Variants in COL7A1 observed in about 807,000 individuals in gnomAD.
The protein encoded by COL7A1 is collagen type VII alpha 1 chain.
Under a neutral mutation model 456.2 loss-of-function variants are expected in COL7A1, and 296 were observed. The ratio of observed to expected loss-of-function variants is 0.65; its 90% CI spans 0.59 to 0.71. COL7A1 has a LOEUF of 0.71. Ranked by LOEUF, COL7A1 falls within the 30% of genes least tolerant of loss-of-function variation. The pLI, the probability that COL7A1 is intolerant of heterozygous loss-of-function variation, is 0.00. For synonymous variants in COL7A1, 1,464 were observed against 1,525.9 expected, an observed-to-expected ratio of 0.96 and a Z score of 0.95; for missense variants, 3,441 against 4,017.2, an observed-to-expected ratio of 0.86 and a Z score of 3.88.
rs1052114853 is a variant in COL7A1 at position 48,571,075 on chromosome 3, C to T, written c.7164+26G>A. Reference sequence around the variant, plus strand: ...GTGGGGGCCCGGCCTGCTGCCCCTACAACTGGTGATGGGGCATTGACTTAC... The same window carrying T: ...GTGGGGGCCCGGCCTGCTGCCCCTATAACTGGTGATGGGGCATTGACTTAC... On this transcript the variant is annotated intron_variant, in intron 94 of 118. Coordinates refer to ENST00000681320, the MANE Select transcript of COL7A1 (RefSeq NM_000094.4). The surrounding 1 kb of genome is among the most constrained non-coding windows in gnomAD (Gnocchi z 4.6). The T allele has an allele frequency of 8.1e-6, 13 of 1,613,620 alleles. No homozygotes were observed. In the Admixed American group the frequency reaches 2.0e-4, roughly 25 times the overall value.
chr3:48,575,694 G>A lies in COL7A1; in HGVS notation c.5911C>T (p.Leu1971=), dbSNP rs1427913494. The change falls in exon 73 of 119, where the codon CTG becomes TTG. Residue 1971 remains leucine, a synonymous_variant. Transcript: ENST00000681320. This position sits in a 1 kb window ranked among gnomAD's most constrained non-coding sequence, Gnocchi z 6.3. ...ETWDESSGSF[L]PVPERRRGPK... ...CCTCGACGCCGTTCGGGCACAGGCA[G>A]GAAGCTACCAGAGCTCTCATCCCAG... The A allele has an allele frequency of 3.1e-6, 5 of 1,613,618 alleles. No individual in the cohort carries two copies. The highest frequency in any genetic ancestry group is 3.3e-4 in the Middle Eastern group (2 of 6,084).
chr3:48,582,630 A>T lies in COL7A1; in HGVS notation c.4542T>A (p.Arg1514=). 1 of 1,613,480 alleles carries T rather than the reference A, an allele frequency of 6.2e-7. No individual in the cohort carries two copies. Among genetic ancestry groups the T allele is most frequent in the East Asian group, 2.2e-5 (1 of 44,866 alleles). Reference sequence around the variant, plus strand: ...TCACTTCAGGACCCTTGGCTCCAGGACGTCCAGCAACCCCTGGCAGCCCCT... The same window carrying T: ...TCACTTCAGGACCCTTGGCTCCAGGTCGTCCAGCAACCCCTGGCAGCCCCT... ...GSRGLPGVAG[R]PGAKGPEGPP... The change falls in exon 45 of 119, where the codon CGT becomes CGA. Residue 1514 remains arginine (R), a synonymous_variant. Transcript: ENST00000681320.
rs756157619 is a variant in COL7A1, at chr3:48,572,661, C to G, written c.6900+10G>C. 3 of 1,597,804 alleles carry G rather than the reference C, an allele frequency of 1.9e-6. No individual in the cohort carries two copies. In the Admixed American group the frequency reaches 5.2e-5, roughly 27 times the overall value. On this transcript the variant is annotated intron_variant, in intron 88 of 118. Coordinates refer to ENST00000681320, the MANE Select transcript of COL7A1 (RefSeq NM_000094.4). This position sits in a 1 kb window ranked among gnomAD's most constrained non-coding sequence, Gnocchi z 4.6. ...TGCTGCAGGGGGTGGAAGTCAGGGT[C>G]AAAGATCACCTGTCCAGGGGCCCCC...
Position 48,573,500 on chromosome 3 carries a change from C to T in COL7A1, c.6618+13G>A, listed in dbSNP as rs1240863448. The T allele has an allele frequency of 1.9e-6, 3 of 1,614,000 alleles. No individual in the cohort carries two copies. The highest frequency in any genetic ancestry group is 2.2e-5 in the East Asian group (1 of 44,900). On this transcript the variant is annotated intron_variant, in intron 83 of 118. Transcript: ENST00000681320. This position sits in a 1 kb window ranked among gnomAD's most constrained non-coding sequence, Gnocchi z 5.5. ...AAGGAGCCTCCTCCTCCTATCCACA[C>T]ACCTAGACTCACCTTCAGGCCAGAA...
intron 44 of COL7A1, 129 bp downstream of exon 44, chr3:48,582,884 A>G: frequency 7.1e-7 from 1 of 1,412,536 alleles, no homozygotes; most frequent in Non-Finnish European, 1.0e-6. Context: ...TAGAGCCTGT[A>G]TCAGCAGGGA....
At position 48,578,727 on chromosome 3, in the gene COL7A1, T is replaced by C. The variant is rs1001475262; in HGVS notation, c.5424+192A>G. ...GAACCCCCAGGACTTGGAGGGCCTA[T>C]GAAGACCCCCAAGGCAAAGAAGGTC... is the stretch of plus-strand genomic sequence containing the variant. On this transcript the variant is annotated intron_variant, in intron 63 of 118. Transcript: ENST00000681320. This position sits in a 1 kb window ranked among gnomAD's most constrained non-coding sequence, Gnocchi z 4.7. Among the ~76,000 whole-genome samples, 1 of 152,158 alleles carries C rather than the reference T, an allele frequency of 6.6e-6. No individual in the cohort carries two copies. The highest frequency in any genetic ancestry group is 1.9e-4 in the East Asian group (1 of 5,176).
At position 48,583,304 on chromosome 3, in the gene COL7A1, T is replaced by G. The variant is rs1216047190; in HGVS notation, c.4437+89A>C. 1.9e-5 allele frequency: 31 copies of G among 1,608,096 alleles called. No individual in the cohort carries two copies. Among genetic ancestry groups the G allele is most frequent in the Non-Finnish European group, 2.5e-5 (29 of 1,175,362 alleles). ...CCACGACCTCTGACCTGGAGGGAACTCTTATCTCCTTATCTTCCAGCCTCC... is the reference window on the plus strand; with the variant it reads ...CCACGACCTCTGACCTGGAGGGAACGCTTATCTCCTTATCTTCCAGCCTCC... On this transcript the variant is annotated intron_variant, in intron 42 of 118. Coordinates refer to ENST00000681320, the MANE Select transcript of COL7A1 (RefSeq NM_000094.4). This position sits in a 1 kb window ranked among gnomAD's most constrained non-coding sequence, Gnocchi z 5.1.
Position 48,565,181 on chromosome 3 carries a change from C to T in COL7A1, c.8548G>A (p.Asp2850Asn). The T allele has an allele frequency of 6.2e-7, 1 of 1,613,924 alleles. No homozygotes were observed. Among genetic ancestry groups the T allele is most frequent in the Non-Finnish European group, 8.5e-7 (1 of 1,179,916 alleles). Reference protein sequence around the residue: ...EEEERVPPEDDEYSEYSEYSV... With the variant: ...EEEERVPPEDNEYSEYSEYSV... ...TACTCGGAGTATTCAGAGTACTCAT[C>T]ATCCTCAGGGGGTACCCGCTCTGCA... Residue 2850 changes from aspartate to asparagine, a missense_variant, in exon 117 of 119, where the codon GAT (aspartate) becomes AAT (asparagine). By Grantham distance (23) the Asp-to-Asn change is conservative. Coordinates refer to ENST00000681320, the MANE Select transcript of COL7A1 (RefSeq NM_000094.4). This position sits in a 1 kb window ranked among gnomAD's most constrained non-coding sequence, Gnocchi z 4.5.
chr3:48,584,278 G>T lies in COL7A1; in HGVS notation c.4197+20C>A. The T allele has an allele frequency of 6.3e-7, 1 of 1,595,476 alleles. No homozygotes were observed. Among genetic ancestry groups the T allele is most frequent in the South Asian group, 1.1e-5 (1 of 89,234 alleles). On this transcript the variant is annotated intron_variant, in intron 37 of 118. Transcript: ENST00000681320. The stretch of plus-strand genomic sequence containing the variant: ...GGGTCACCAGGTCTCTGCATCACAT[G>T]GCACTCATGAGGCTGTCACCTTCAT...
At position 48,576,974 on chromosome 3, in the gene COL7A1, C is replaced by G. The variant is rs1243962812; in HGVS notation, c.5568+18G>C. 14 of 1,613,852 alleles carry G rather than the reference C, an allele frequency of 8.7e-6. No individual in the cohort carries two copies. Among genetic ancestry groups the G allele is most frequent in the Non-Finnish European group, 1.2e-5 (14 of 1,180,018 alleles). The stretch of plus-strand genomic sequence containing the variant: ...GCTCCAAGCAGAGACCAGAGAGACC[C>G]CAGGTGGGGGACTTTACCTTCCTCC... On this transcript the variant is annotated intron_variant, in intron 66 of 118. Coordinates refer to ENST00000681320, the MANE Select transcript of COL7A1 (RefSeq NM_000094.4).
rs776881019 is a variant in COL7A1, at chr3:48,582,669, G to A, written c.4519-16C>T. 1.2e-6 allele frequency: 2 copies of A among 1,613,114 alleles called. No individual in the cohort carries two copies. Among genetic ancestry groups the A allele is most frequent in the East Asian group, 2.2e-5 (1 of 44,878 alleles). ...CTGGCAGCCCCTGGAGGAGAGGAAG[G>A]GAAGAGCTGTGCAGGTGGGTGGGGA... On this transcript the variant is annotated splice_polypyrimidine_tract_variant and intron_variant, in intron 44 of 118. Transcript: ENST00000681320.
At chr3:48,584,145 A>T (rs539761644) in intron 37 of COL7A1, 84 bp from the exon 38 acceptor site, 1 of 1,609,456 alleles carries the variant, frequency 6.2e-7, no homozygotes, top group Non-Finnish European at 8.5e-7. Context: ...ATGGGGTCCA[A>T]TTGGATTTCA....
rs748895203 is a variant in COL7A1, at chr3:48,583,526, A to G, written c.4401+30T>C. ...GGTAGGGGCTGGAGCTGTGCCCACC[A>G]TATTCAGAATCCCTGGCCCCTCCAC... On this transcript the variant is annotated intron_variant, in intron 41 of 118. Coordinates refer to ENST00000681320, the MANE Select transcript of COL7A1 (RefSeq NM_000094.4). This position sits in a 1 kb window ranked among gnomAD's most constrained non-coding sequence, Gnocchi z 5.1. 1.2e-5 allele frequency: 19 copies of G among 1,613,840 alleles called. No individual in the cohort carries two copies. The South Asian group carries it at 2.0e-4, about 17-fold the overall frequency.
Position 48,584,359 on chromosome 3 carries a change from C to A in COL7A1, c.4136G>T (p.Arg1379Leu). ...DPGPSGPPGP[R>L]GPLGDPGPRG... The stretch of plus-strand genomic sequence containing the variant: ...GGGTCCTGGGTCCCCCAGTGGTCCA[C>A]GAGGTCCAGGGGGGCCCTGATGGAG... The change falls in exon 37 of 119, where the codon CGT becomes CTT. Residue 1379 changes from arginine to leucine, a missense_variant. By Grantham distance (102) the Arg-to-Leu change is moderately radical. Around this residue, in one of 3 missense-constraint regions of COL7A1, gnomAD observed 2,084 missense variants for 2,501.3 expected, o/e 0.83. Coordinates refer to ENST00000681320, the MANE Select transcript of COL7A1 (RefSeq NM_000094.4). The A allele has an allele frequency of 6.2e-7, 1 of 1,613,566 alleles. No homozygotes were observed.
rs1358749721 is a variant in COL7A1 at position 48,578,243 on chromosome 3, GT to G, written c.5532+77del. 6.5e-7 allele frequency: 1 copy of G among 1,544,688 alleles called. No homozygotes were observed. The highest frequency in any genetic ancestry group is 8.9e-7 in the Non-Finnish European group (1 of 1,122,168). ...ATGTGTCTACACGTGTGCCTCATGT[GT>G]TGCTACAGATCTTGGCTGTGTAGGT... On this transcript the variant is annotated intron_variant, in intron 65 of 118. Transcript: ENST00000681320. The surrounding 1 kb of genome is among the most constrained non-coding windows in gnomAD (Gnocchi z 4.7).
rs1351260571 is a variant in COL7A1 at position 48,586,652 on chromosome 3, A to T, written c.3314T>A (p.Leu1105Gln). ...GTCATGGGAGCCATTCAGTGGGAACAGTGGGGAGGGCCGATGACTGTAAGA... is the reference window on the plus strand; with the variant it reads ...GTCATGGGAGCCATTCAGTGGGAACTGTGGGGAGGGCCGATGACTGTAAGA... ...LLSYSHRPSP[L>Q]FPLNGSHDLG... Residue 1105 changes from leucine (L) to glutamine (Q), a missense_variant, in exon 26 of 119, where the codon CTG (leucine) becomes CAG (glutamine). Transcript: ENST00000681320. This position sits in a 1 kb window ranked among gnomAD's most constrained non-coding sequence, Gnocchi z 5.1. 3 of 1,612,190 alleles carry T rather than the reference A, an allele frequency of 1.9e-6. No homozygotes were observed. Among genetic ancestry groups the T allele is most frequent in the African/African-American group, 2.7e-5 (2 of 74,898 alleles).
chr3:48,595,095 C>A lies in COL7A1; in HGVS notation c.65G>T (p.Arg22Leu). 1 of 1,552,508 alleles carries A rather than the reference C, an allele frequency of 6.4e-7. No individual in the cohort carries two copies. The highest frequency in any genetic ancestry group is 8.7e-7 in the Non-Finnish European group (1 of 1,148,204). Reference sequence around the variant, plus strand: ...CCCACCTCTCTCCCTGTGCTGGGCTCGCACTCGGGGCGCCTCTGCCAGGAT... The same window carrying A: ...CCCACCTCTCTCCCTGTGCTGGGCTAGCACTCGGGGCGCCTCTGCCAGGAT... ...AGILAEAPRV[R>L]AQHRERVTCT... The change falls in exon 2 of 119, where the codon CGA becomes CTA. Residue 22 changes from arginine (R) to leucine (L), a missense_variant. Arg to Leu is a moderately radical substitution (Grantham distance 102). Transcript: ENST00000681320.
In COL7A1 at chr3:48,581,958, G is replaced by T. The variant is rs763883535; in HGVS notation, c.4636-15C>A. The T allele has an allele frequency of 2.5e-6, 4 of 1,613,956 alleles. No homozygotes were observed. Among genetic ancestry groups the T allele is most frequent in the Non-Finnish European group, 3.4e-6 (4 of 1,180,036 alleles). On this transcript the variant is annotated splice_polypyrimidine_tract_variant and intron_variant, in intron 47 of 118. Coordinates refer to ENST00000681320, the MANE Select transcript of COL7A1 (RefSeq NM_000094.4). This position sits in a 1 kb window ranked among gnomAD's most constrained non-coding sequence, Gnocchi z 5.8. Reference sequence around the variant, plus strand: ...ACAGCAGGTCCCTGAAAACAAACAGGACAGATACAGCTTGGCCCTGCCTTG... The same window carrying T: ...ACAGCAGGTCCCTGAAAACAAACAGTACAGATACAGCTTGGCCCTGCCTTG...
Position 48,592,599 on chromosome 3 carries a change from C to T in COL7A1, c.947G>A (p.Gly316Glu), listed in dbSNP as rs2045784259. Reference protein sequence around the residue: ...TVIALYANSIGEAVSGTARTT... With the variant: ...TVIALYANSIEEAVSGTARTT... ...CCGAGCTGTCCCGCTCACAGCCTCC[C>T]CGATGCTGTTGGCGTAGAGGGCAAT... The change falls in exon 8 of 119, where the codon GGG (glycine) becomes GAG (glutamate). Residue 316 changes from glycine to glutamate, a missense_variant. Transcript: ENST00000681320. This position sits in a 1 kb window ranked among gnomAD's most constrained non-coding sequence, Gnocchi z 7.6. 20 of 1,614,030 alleles carry T rather than the reference C, an allele frequency of 1.2e-5. No individual in the cohort carries two copies. Among genetic ancestry groups the T allele is most frequent in the Non-Finnish European group, 1.5e-5 (18 of 1,180,040 alleles).
Sources: allele counts gnomAD v4.1 joint callset (sites outside exome capture counted in the v4.1 genomes callset), GRCh38; gene constraint gnomAD v4.1.1; regional missense constraint gnomAD v4.1.1; non-coding constraint Gnocchi (gnomAD v3.1); transcripts MANE v1.5; gene names NCBI Gene and HGNC (gene_info 2026-07-23, HGNC 2026-07-21).